BANK1: variants seen among roughly 807,000 people sequenced by gnomAD.
The protein encoded by BANK1 is B-cell scaffold protein with ankyrin repeats.
In BANK1, 95 loss-of-function variants were observed where a neutral mutation model predicts 94.5. The observed-to-expected ratio is 1.00, with a 90% CI of 0.85 to 1.19. The LOEUF (loss-of-function observed/expected upper bound fraction) is 1.19. BANK1 is among the 50% of genes most tolerant of loss of function. The pLI, the probability that BANK1 is intolerant of heterozygous loss-of-function variation, is 0.00. For missense variants in BANK1, 987 were observed against 932.2 expected, an observed-to-expected ratio of 1.06 and a Z score of -0.77; for synonymous variants, 334 against 308.4, an observed-to-expected ratio of 1.08 and a Z score of -0.87.
chr4:101,881,234 A>G (rs1431569554), intron 5 of BANK1, among the ~76,000 whole-genome samples: 1 of 152,032 alleles, frequency 6.6e-6, no homozygotes, highest in Non-Finnish European at 1.5e-5. Flanking sequence ...GGAAAAAAAA[A>G]TCTAGTAATC....
intron 4 of BANK1, among the ~76,000 whole-genome samples, chr4:101,867,709 A>G (rs1171742009): frequency 6.6e-6 from 1 of 151,664 alleles, no homozygotes. Context: ...TTTAAAAGCT[A>G]TAAATGTGCC....
intron 5 of BANK1, among the ~76,000 whole-genome samples, chr4:101,888,875 A>G (rs989913283): frequency 1.3e-5 from 2 of 152,198 alleles, no homozygotes; most frequent in African/African-American, 4.8e-5. Context: ...CCAGCTATTT[A>G]CATTATGTAA....
At chr4:101,885,927 G>A (rs1359348742) in intron 5 of BANK1, among the ~76,000 whole-genome samples, 1 of 152,114 alleles carries the variant, frequency 6.6e-6, no homozygotes, top group Non-Finnish European at 1.5e-5. Flanking sequence ...AATAGTGTAG[G>A]CAACTATAAC....
At chr4:101,971,800 C>A (rs539152261) in intron 7 of BANK1, among the ~76,000 whole-genome samples, 3 of 152,170 alleles carry the variant, frequency 2.0e-5, no homozygotes, top group Admixed American at 1.3e-4. Flanking sequence ...ACCATACTTG[C>A]ATGGGTTCAC....
At chr4:101,949,903 A>G (rs1450432984) in intron 7 of BANK1, among the ~76,000 whole-genome samples, 2 of 152,174 alleles carry the variant, frequency 1.3e-5, no homozygotes, top group Non-Finnish European at 2.9e-5. Context: ...GAGTAAGAAT[A>G]TAACCCATAG....
Position 101,951,467 on chromosome 4 carries a change from T to C in BANK1, c.1206+33278T>C, listed in dbSNP as rs116124542. Among the ~76,000 whole-genome samples, 911 of 152,262 alleles carry C rather than the reference T, an allele frequency of 6.0e-3. 14 individuals carry two copies. The highest frequency in any genetic ancestry group is 0.021 in the African/African-American group (859 of 41,588). ...AAAAGTTAGAGATAACTAAAAACAG[T>C]TGCTTTAACAATTAACACTGAAAGC... On this transcript the variant is annotated intron_variant, in intron 7 of 16. Transcript: ENST00000322953.
At chr4:102,044,750 T>A (rs1727821784) in intron 11 of BANK1, among the ~76,000 whole-genome samples, 1 of 80,960 alleles carries the variant, frequency 1.2e-5, no homozygotes, top group African/African-American at 4.9e-5. Flanking sequence ...GGTATCTCAT[T>A]GTGGTTTTGA....
At chr4:101,865,601 C>G (rs182966654) in intron 4 of BANK1, among the ~76,000 whole-genome samples, 1 of 152,234 alleles carries the variant, frequency 6.6e-6, no homozygotes, top group Non-Finnish European at 1.5e-5. Flanking sequence ...GTGGCTCCCT[C>G]TGGCCTTCCT....
At chr4:101,957,290 A>C in intron 7 of BANK1, among the ~76,000 whole-genome samples, 1 of 152,160 alleles carries the variant, frequency 6.6e-6, no homozygotes, top group Non-Finnish European at 1.5e-5. Flanking sequence ...GATTCCATAG[A>C]CTGGGAATAT....
At chr4:102,049,841 G>C (rs770395370) in intron 11 of BANK1, among the ~76,000 whole-genome samples, 2 of 152,210 alleles carry the variant, frequency 1.3e-5, no homozygotes, top group African/African-American at 2.4e-5. Context: ...AGGCAAAATG[G>C]TAGGGTTTAA....
At chr4:101,855,881 G>A (rs1727660498) in intron 3 of BANK1, among the ~76,000 whole-genome samples, 1 of 152,122 alleles carries the variant, frequency 6.6e-6, no homozygotes, top group South Asian at 2.1e-4. Context: ...AGGTGACTGT[G>A]GGAATATATG....
At chr4:101,919,185 C>T (rs1296269115) in intron 7 of BANK1, among the ~76,000 whole-genome samples, 1 of 151,844 alleles carries the variant, frequency 6.6e-6, no homozygotes, top group African/African-American at 2.4e-5. Context: ...TGGATATTTT[C>T]CATTAATACT....
At chr4:102,053,734 C>T (rs1728129891) in intron 11 of BANK1, among the ~76,000 whole-genome samples, 1 of 151,364 alleles carries the variant, frequency 6.6e-6, no homozygotes, top group Non-Finnish European at 1.5e-5. Flanking sequence ...ATTTATAAGA[C>T]ATGAATGTAA....
Position 102,073,833 on chromosome 4 carries a change from A to T in BANK1, c.*5+85A>T, listed in dbSNP as rs560796381. On this transcript the variant is annotated intron_variant, in intron 16 of 16. Coordinates refer to ENST00000322953, the MANE Select transcript of BANK1 (RefSeq NM_017935.5). The stretch of plus-strand genomic sequence containing the variant: ...AAGGTATCATTTGTCTAAAAAACAG[A>T]ATTTTTTAAAGATTTCATTGTCTTC... The T allele has an allele frequency of 5.8e-5, 62 of 1,067,380 alleles. 1 individual carries two copies. The South Asian group carries it at 8.6e-4, about 15-fold the overall frequency. The allele number at this position is 1,067,380 out of a possible 1,614,324, so 66.1% of individuals were successfully genotyped here. A position where few individuals can be genotyped will look rare whatever the true frequency, so the allele number is the denominator to read the frequency against.
At chr4:101,973,110 T>C (rs562603960) in intron 7 of BANK1, among the ~76,000 whole-genome samples, 137 of 152,054 alleles carry the variant, frequency 9.0e-4, no homozygotes, top group Non-Finnish European at 1.5e-3. Flanking sequence ...TAATAGAGTA[T>C]TGTACATTCC....
At chr4:101,957,968 C>G (rs754391304) in intron 7 of BANK1, among the ~76,000 whole-genome samples, 16 of 151,790 alleles carry the variant, frequency 1.1e-4, no homozygotes, top group Admixed American at 6.6e-4. Context: ...CCTCAGCCTC[C>G]CGAGTAGCTG....
intron 2 of BANK1, among the ~76,000 whole-genome samples, chr4:101,844,742 T>C (rs1727181739): frequency 6.6e-6 from 1 of 152,212 alleles, no homozygotes; most frequent in South Asian, 2.1e-4. Flanking sequence ...GGATTAAATA[T>C]GATTATGGAT....
chr4:101,950,792 T>C (rs1042151093), intron 7 of BANK1, among the ~76,000 whole-genome samples: 4 of 152,136 alleles, frequency 2.6e-5, no homozygotes, highest in African/African-American at 9.7e-5. Flanking sequence ...ATGAGTCATG[T>C]TGATAATATG....
chr4:101,936,006 A>G (rs943609979), intron 7 of BANK1, among the ~76,000 whole-genome samples: 1 of 151,448 alleles, frequency 6.6e-6, no homozygotes, highest in African/African-American at 2.4e-5. Flanking sequence ...GGTCAGGGCA[A>G]AGATTTCTTG....
Sources: allele counts gnomAD v4.1 joint callset (sites outside exome capture counted in the v4.1 genomes callset), GRCh38; gene constraint gnomAD v4.1.1; transcripts MANE v1.5; gene names NCBI Gene and HGNC (gene_info 2026-07-23, HGNC 2026-07-21).